Variants in PCDHGA4 observed in about 807,000 individuals in gnomAD.
PCDHGA4 encodes protocadherin gamma-A4.
Under a neutral mutation model 54.6 loss-of-function variants are expected in PCDHGA4, and 38 were observed. The ratio of observed to expected loss-of-function variants is 0.70; its 90% confidence interval spans 0.54 to 0.91. The LOEUF (loss-of-function observed/expected upper bound fraction) is 0.91, where lower values mean the gene tolerates loss of function less well. Among genes scored for constraint, PCDHGA4 ranks in the 40% least tolerant of loss-of-function variants. The pLI, the probability that PCDHGA4 is intolerant of heterozygous loss-of-function variation, is 0.00. For missense variants in PCDHGA4, 1,298 were observed against 1,220.9 expected (o/e 1.06, Z -0.94); for synonymous variants, 511 against 512.9 (o/e 1.00, Z 0.05).
At chr5:141,510,850 G>A in intron 3 of PCDHGA4, 97 bp from the exon 4 acceptor site, 4 of 1,599,444 alleles carry the variant, frequency 2.5e-6, no homozygotes, top group South Asian at 1.1e-5. Context: ...AAGGCCCAGG[G>A]TGCTGTATAG....
chr5:141,390,500 C>G (rs2092162714), intron 1 of PCDHGA4: 3 of 614,492 alleles, frequency 4.9e-6, no homozygotes, highest in Non-Finnish European at 8.3e-6. Context: ...TTTAGCCAAG[C>G]TTAGATTTAT....
intron 1 of PCDHGA4, chr5:141,364,725 G>A (rs775854228): frequency 1.9e-6 from 3 of 1,613,828 alleles, no homozygotes; most frequent in African/African-American, 2.7e-5. Context: ...AACTTCCCGC[G>A]TTTCCGGGAT....
At chr5:141,364,102 A>G in intron 1 of PCDHGA4, 1 of 409,744 alleles carries the variant, frequency 2.4e-6, no homozygotes, top group Non-Finnish European at 4.3e-6. Context: ...TGATGCAGTC[A>G]CTGGTTAGGA....
At chr5:141,424,748 A>G (rs1218712198) in intron 1 of PCDHGA4, 3 of 152,034 alleles carry the variant, frequency 2.0e-5, no homozygotes, top group African/African-American at 4.8e-5. Flanking sequence ...TTCTTTCTTT[A>G]TAAGGTCATT....
chr5:141,400,212 C>G (rs773459521), intron 1 of PCDHGA4: 4 of 1,614,058 alleles, frequency 2.5e-6, no homozygotes, highest in Non-Finnish European at 3.4e-6. Context: ...TGGCCTTGAT[C>G]TCAGTGCTCT....
Position 141,388,565 on chromosome 5 carries a change from G to C in PCDHGA4, c.2514+30944G>C, listed in dbSNP as rs149167054. ...CTCCACCCCTAAGCAGCACTGCACAGATACACGTTCTAGTGACTGATGCCA... is the reference window on the plus strand; with the variant it reads ...CTCCACCCCTAAGCAGCACTGCACACATACACGTTCTAGTGACTGATGCCA... On this transcript the variant is annotated intron_variant, in intron 1 of 3. Transcript: ENST00000571252. The C allele has an allele frequency of 1.1e-3, 1,717 of 1,613,854 alleles. 24 individuals carry two copies. The highest frequency in any genetic ancestry group is 4.6e-4 in the Non-Finnish European group (537 of 1,179,878).
intron 2 of PCDHGA4, among the ~76,000 whole-genome samples, chr5:141,503,081 C>G (rs1354848667): frequency 6.6e-6 from 1 of 151,960 alleles, no homozygotes; most frequent in Non-Finnish European, 1.5e-5. Flanking sequence ...TCTCGATCTC[C>G]TGACCTCGTG....
rs376661062 is a variant in PCDHGA4, at chr5:141,432,185, G to T, written c.2515-62622G>T. 6.2e-6 allele frequency: 10 copies of T among 1,613,956 alleles called. No individual in the cohort carries two copies. The highest frequency in any genetic ancestry group is 8.5e-6 in the Non-Finnish European group (10 of 1,180,030). ...AGGAGTTTCCCTCGTCTCTGTGACC[G>T]CCCACGACCCCGACTGTGAAGAGAA... On this transcript the variant is annotated intron_variant, in intron 1 of 3. Coordinates refer to ENST00000571252, the MANE Select transcript of PCDHGA4 (RefSeq NM_018917.4). The surrounding 1 kb of genome is among the most constrained non-coding windows in gnomAD (Gnocchi z 6.0).
Position 141,476,008 on chromosome 5 carries a change from G to T in PCDHGA4, c.2515-18799G>T. 1 of 1,282,144 alleles carries T rather than the reference G, an allele frequency of 7.8e-7. No homozygotes were observed. Among genetic ancestry groups the T allele is most frequent in the Non-Finnish European group, 1.1e-6 (1 of 935,996 alleles). 79.4% of individuals were successfully genotyped at this position (1,282,144 alleles called of 1,614,324 possible). On this transcript the variant is annotated intron_variant, in intron 1 of 3. Coordinates refer to ENST00000571252, the MANE Select transcript of PCDHGA4 (RefSeq NM_018917.4). This position sits in a 1 kb window ranked among gnomAD's most constrained non-coding sequence, Gnocchi z 7.6. ...CGAGCAAATCAACGGCATCCAGAAA[G>T]CCATGTCGGACTCGGCGCCCAGCGC... is the stretch of plus-strand genomic sequence containing the variant.
chr5:141,449,994 G>T (rs2098661673), intron 1 of PCDHGA4, among the ~76,000 whole-genome samples: 2 of 131,786 alleles, frequency 1.5e-5, no homozygotes, highest in Admixed American at 7.9e-5. Context: ...ATTGCATTTA[G>T]TTGCCATGTC....
rs2092610841 is a variant in PCDHGA4 at position 141,392,842 on chromosome 5, G to C, written c.2514+35221G>C. 6.2e-7 allele frequency: 1 copy of C among 1,609,194 alleles called. No homozygotes were observed. The highest frequency in any genetic ancestry group is 8.5e-7 in the Non-Finnish European group (1 of 1,177,812). On this transcript the variant is annotated intron_variant, in intron 1 of 3. Transcript: ENST00000571252. ...GCCGCTCCACAGAGTCGCCCCAGACGCGGCGAGCTGATCCTGCTGTGCGCG... is the reference window on the plus strand; with the variant it reads ...GCCGCTCCACAGAGTCGCCCCAGACCCGGCGAGCTGATCCTGCTGTGCGCG...
At chr5:141,360,442 G>A in intron 1 of PCDHGA4, 2 of 1,613,972 alleles carry the variant, frequency 1.2e-6, no homozygotes, top group African/African-American at 2.7e-5. Context: ...GCCTCTGTGT[G>A]TTCTGGATTT....
chr5:141,489,101 T>G lies in PCDHGA4; in HGVS notation c.2515-5706T>G. 1 of 398,408 alleles carries G rather than the reference T, an allele frequency of 2.5e-6. No homozygotes were observed. Among genetic ancestry groups the G allele is most frequent in the Non-Finnish European group, 4.5e-6 (1 of 223,328 alleles). The allele number at this position is 398,408 out of a possible 1,614,324, so 24.7% of individuals were successfully genotyped here. On this transcript the variant is annotated intron_variant, in intron 1 of 3. Transcript: ENST00000571252. The surrounding 1 kb of genome is among the most constrained non-coding windows in gnomAD (Gnocchi z 4.5). Reference sequence around the variant, plus strand: ...CCGCCACTCGGTGACTAAGAACTGCTGCAAGCAGGCAAACCTCCGAGCAGT... The same window carrying G: ...CCGCCACTCGGTGACTAAGAACTGCGGCAAGCAGGCAAACCTCCGAGCAGT...
At chr5:141,423,669 T>C in intron 1 of PCDHGA4, 1 of 1,554,480 alleles carries the variant, frequency 6.4e-7, no homozygotes, top group Non-Finnish European at 8.7e-7. Flanking sequence ...AGGTGAGATT[T>C]ATTTCTCTGC....
chr5:141,431,288 C>T lies in PCDHGA4; in HGVS notation c.2515-63519C>T, dbSNP rs2097358193. ...GAGCTACGAGCTCAGCCCGAACACT[C>T]ACTTCTCCCTCATCGTGCAAAATGG... On this transcript the variant is annotated intron_variant, in intron 1 of 3. Transcript: ENST00000571252. This position sits in a 1 kb window ranked among gnomAD's most constrained non-coding sequence, Gnocchi z 4.8. 1 of 1,614,152 alleles carries T rather than the reference C, an allele frequency of 6.2e-7. No individual in the cohort carries two copies. Among genetic ancestry groups the T allele is most frequent in the East Asian group, 2.2e-5 (1 of 44,890 alleles).
At chr5:141,370,524 G>C in intron 1 of PCDHGA4, 1 of 1,613,890 alleles carries the variant, frequency 6.2e-7, no homozygotes, top group Non-Finnish European at 8.5e-7. Context: ...GCTGGACAGG[G>C]GCTCGCTGGT....
Position 141,476,263 on chromosome 5 carries a change from C to G in PCDHGA4, c.2515-18544C>G. 13 of 1,613,940 alleles carry G rather than the reference C, an allele frequency of 8.1e-6. No individual in the cohort carries two copies. Among genetic ancestry groups the G allele is most frequent in the Non-Finnish European group, 1.1e-5 (13 of 1,180,010 alleles). On this transcript the variant is annotated intron_variant, in intron 1 of 3. Transcript: ENST00000571252. This position sits in a 1 kb window ranked among gnomAD's most constrained non-coding sequence, Gnocchi z 7.6. ...GAGAGAAGGGTTTCGCTGTGGGCAA[C>G]GTGGTCGCGAACCTTGGTTTGGATC...
Position 141,432,492 on chromosome 5 carries a change from C to A in PCDHGA4, c.2515-62315C>A. On this transcript the variant is annotated intron_variant, in intron 1 of 3. Transcript: ENST00000571252. The surrounding 1 kb of genome is among the most constrained non-coding windows in gnomAD (Gnocchi z 6.0). ...GACGGTTCCACTGGCGTGGAGCTGG[C>A]TCCCCGCTCCGCAGAGCCCGGCTAC... 6.2e-7 allele frequency: 1 copy of A among 1,614,168 alleles called. No individual in the cohort carries two copies. Among genetic ancestry groups the A allele is most frequent in the Admixed American group, 1.7e-5 (1 of 60,034 alleles).
intron 1 of PCDHGA4, among the ~76,000 whole-genome samples, chr5:141,455,406 CAG>C (rs1306843200): frequency 3.3e-5 from 5 of 152,226 alleles, no homozygotes; most frequent in Non-Finnish European, 5.9e-5. Flanking sequence ...CTTACAGAGA[CAG>C]AGGGAGCGGG....
Sources: allele counts gnomAD v4.1 joint callset (sites outside exome capture counted in the v4.1 genomes callset), GRCh38; gene constraint gnomAD v4.1.1; non-coding constraint Gnocchi (gnomAD v3.1); transcripts MANE v1.5; gene names NCBI Gene and HGNC (gene_info 2026-07-23, HGNC 2026-07-21).